The following ZNHIT6 variants were observed in gnomAD, a reference collection of about 807,000 sequenced individuals.
ZNHIT6 encodes the protein zinc finger HIT-type containing 6, also known as box C/D snoRNA protein 1.
In ZNHIT6, 45 loss-of-function variants were observed where a neutral mutation model predicts 57.2. The ratio of observed to expected loss-of-function variants is 0.79; its 90% confidence interval spans 0.62 to 1.01. The LOEUF (loss-of-function observed/expected upper bound fraction) is 1.01. Ranked by LOEUF, ZNHIT6 falls within the 50% of genes least tolerant of loss-of-function variation. The pLI is 0.00. For missense variants in ZNHIT6, 528 were observed against 567.3 expected (o/e 0.93, Z 0.70); for synonymous variants, 188 against 190.0 (o/e 0.99, Z 0.09).
At position 85,706,250 on chromosome 1, in the gene ZNHIT6, A is replaced by T; in HGVS notation, c.828T>A (p.Ser276Arg). 1 of 1,610,996 alleles carries T rather than the reference A, an allele frequency of 6.2e-7. No individual in the cohort carries two copies. The highest frequency in any genetic ancestry group is 8.5e-7 in the Non-Finnish European group (1 of 1,177,986). The change falls in exon 3 of 10, where the codon AGT becomes AGA. Residue 276 changes from serine (S) to arginine (R), a missense_variant and splice_region_variant. Coordinates refer to ENST00000370574, the MANE Select transcript of ZNHIT6 (RefSeq NM_017953.4). Reference protein sequence around the residue: ...IQQFTEMNLLSDYRFLEDVAR... With the variant: ...IQQFTEMNLLRDYRFLEDVAR... ...TTTGCTATGCATAAAGTGGCTTACC[A>T]CTTAGGAGATTCATTTCAGTAAACT...
intron 8 of ZNHIT6, among the ~76,000 whole-genome samples, chr1:85,667,961 A>AAAAAAAAAAAAAAAAAAAAATAT: frequency 1.6e-4 from 3 of 18,202 alleles, no homozygotes; most frequent in Non-Finnish European, 3.0e-4. Flanking sequence ...AAAAAAAAAA[A>AAAAAAAAAAAAAAAAAAAAATAT]ATATATATAT....
intron 5 of ZNHIT6, among the ~76,000 whole-genome samples, chr1:85,682,385 A>ACTT (rs1661906653): frequency 6.6e-6 from 1 of 151,958 alleles, no homozygotes; most frequent in African/African-American, 2.4e-5. Context: ...TTTCAGGTTA[A>ACTT]CTTAGGGAAA....
intron 5 of ZNHIT6, among the ~76,000 whole-genome samples, chr1:85,696,022 C>T (rs1410735722): frequency 1.3e-5 from 2 of 152,154 alleles, no homozygotes; most frequent in Admixed American, 1.3e-4. Context: ...GGTGACAGAG[C>T]AAGATTCTGT....
At chr1:85,704,270 G>C (rs1390017235) in intron 4 of ZNHIT6, among the ~76,000 whole-genome samples, 1 of 152,044 alleles carries the variant, frequency 6.6e-6, no homozygotes, top group African/African-American at 2.4e-5. Context: ...CTATTCCCAG[G>C]TATAAACCCT....
At position 85,653,991 on chromosome 1, in the gene ZNHIT6, A is replaced by G. The variant is rs1660986202; in HGVS notation, c.*67T>C. 2.2e-6 allele frequency: 3 copies of G among 1,367,716 alleles called. No individual in the cohort carries two copies. The Admixed American group carries it at 5.5e-5, about 25-fold the overall frequency. The allele number at this position is 1,367,716 out of a possible 1,614,324, so 84.7% of individuals were successfully genotyped here. On this transcript the variant is annotated 3_prime_UTR_variant, in exon 10 of 10. Coordinates refer to ENST00000370574, the MANE Select transcript of ZNHIT6 (RefSeq NM_017953.4). ...ATTGACAATACCCCAATCAGCCAACAGCCCATCAATGCAGAGTCTGCTGCA... is the reference window on the plus strand; with the variant it reads ...ATTGACAATACCCCAATCAGCCAACGGCCCATCAATGCAGAGTCTGCTGCA...
chr1:85,661,679 G>A (rs1570284765), intron 8 of ZNHIT6, among the ~76,000 whole-genome samples: 1 of 152,134 alleles, frequency 6.6e-6, no homozygotes, highest in Non-Finnish European at 1.5e-5. Context: ...CAAGTTTTAA[G>A]AGCCCAGCTT....
At chr1:85,690,325 C>A (rs1662181353) in intron 5 of ZNHIT6, among the ~76,000 whole-genome samples, 1 of 152,166 alleles carries the variant, frequency 6.6e-6, no homozygotes, top group Non-Finnish European at 1.5e-5. Flanking sequence ...TTTAGGCACA[C>A]CAAATTACTT....
At position 85,654,048 on chromosome 1, in the gene ZNHIT6, G is replaced by GA. The variant is rs1456789505; in HGVS notation, c.*9dup. On this transcript the variant is annotated 3_prime_UTR_variant, in exon 10 of 10. Transcript: ENST00000370574. ...TGGAAGTTTTCACTTTCTTCTTCCA[G>GA]AAAAAATGCTCAATTTTCATTGCCA... 2 of 1,611,064 alleles carry GA rather than the reference G, an allele frequency of 1.2e-6. No homozygotes were observed. The highest frequency in any genetic ancestry group is 1.7e-6 in the Non-Finnish European group (2 of 1,178,656).
intron 5 of ZNHIT6, among the ~76,000 whole-genome samples, chr1:85,691,668 A>G (rs1475737330): frequency 6.6e-6 from 1 of 152,100 alleles, no homozygotes; most frequent in African/African-American, 2.4e-5. Context: ...AGGCCGAGGC[A>G]GGCGGATCAC....
At chr1:85,689,755 C>G (rs1333076364) in intron 5 of ZNHIT6, among the ~76,000 whole-genome samples, 1 of 152,056 alleles carries the variant, frequency 6.6e-6, no homozygotes, top group Non-Finnish European at 1.5e-5. Context: ...AATGGCTGGG[C>G]AGTTTTGGTT....
intron 8 of ZNHIT6, among the ~76,000 whole-genome samples, chr1:85,673,086 G>A (rs1186529651): frequency 6.6e-6 from 1 of 152,106 alleles, no homozygotes; most frequent in African/African-American, 2.4e-5. Flanking sequence ...TACTTTCTGA[G>A]AATAGAAAGT....
intron 7 of ZNHIT6, 114 bp from the exon 8 acceptor site, chr1:85,677,427 C>T (rs1023130249): frequency 8.9e-5 from 63 of 705,732 alleles, no homozygotes; most frequent in Non-Finnish European, 1.3e-4. Flanking sequence ...TGTATTTAAG[C>T]ATAGAAAAGG....
intron 8 of ZNHIT6, among the ~76,000 whole-genome samples, chr1:85,673,130 G>A (rs1038840654): frequency 2.0e-5 from 3 of 152,122 alleles, no homozygotes; most frequent in Non-Finnish European, 1.5e-5. Flanking sequence ...GGCAAGAATG[G>A]CTTTACTAAC....
At chr1:85,664,360 G>A (rs1483914469) in intron 8 of ZNHIT6, among the ~76,000 whole-genome samples, 1 of 152,140 alleles carries the variant, frequency 6.6e-6, no homozygotes, top group Non-Finnish European at 1.5e-5. Flanking sequence ...TGATTGCACT[G>A]TGAAATTCTT....
intron 8 of ZNHIT6, among the ~76,000 whole-genome samples, chr1:85,666,893 G>A (rs979597395): frequency 5.9e-5 from 9 of 152,120 alleles, no homozygotes; most frequent in African/African-American, 1.7e-4. Flanking sequence ...CTTAAATGAT[G>A]CTTCCTTTGT....
At chr1:85,661,281 T>C (rs984907722) in intron 8 of ZNHIT6, among the ~76,000 whole-genome samples, 1 of 152,226 alleles carries the variant, frequency 6.6e-6, no homozygotes, top group African/African-American at 2.4e-5. Context: ...TTCACTGGTC[T>C]GTGATCCTGG....
intron 7 of ZNHIT6, 54 bp downstream of exon 7, chr1:85,678,647 A>G: frequency 8.5e-7 from 1 of 1,182,310 alleles, no homozygotes; most frequent in Non-Finnish European, 1.2e-6. Flanking sequence ...GACCCTAATA[A>G]GTACATCAAC....
At chr1:85,667,961 A>AAAAAAAAAAAAAAAAAATATATATATAT in intron 8 of ZNHIT6, among the ~76,000 whole-genome samples, 4 of 18,198 alleles carry the variant, frequency 2.2e-4, no homozygotes, top group Non-Finnish European at 3.0e-4. Context: ...AAAAAAAAAA[A>AAAAAAAAAAAAAAAAAATATATATATAT]ATATATATAT....
At chr1:85,677,092 A>G in intron 8 of ZNHIT6, 144 bp downstream of exon 8, 1 of 573,692 alleles carries the variant, frequency 1.7e-6, no homozygotes, top group East Asian at 3.1e-5. Context: ...AAGTCTGATT[A>G]TTTTGAATTT....
Sources: allele counts gnomAD v4.1 joint callset (sites outside exome capture counted in the v4.1 genomes callset), GRCh38; gene constraint gnomAD v4.1.1; transcripts MANE v1.5; gene names NCBI Gene and HGNC (gene_info 2026-07-23, HGNC 2026-07-21).